Variants in CSNK1G1 observed in about 807,000 individuals in gnomAD.
CSNK1G1 encodes the protein casein kinase 1 gamma 1, also known as casein kinase I isoform gamma-1.
Under a neutral mutation model 59.6 loss-of-function variants are expected in CSNK1G1, and 22 were observed. That is an observed-to-expected ratio of 0.37 (90% CI 0.26 to 0.53). The LOEUF (loss-of-function observed/expected upper bound fraction) is 0.53, where lower values mean the gene tolerates loss of function less well. Among genes scored for constraint, CSNK1G1 ranks in the 20% least tolerant of loss-of-function variants. The pLI is 0.89. For missense variants in CSNK1G1, 384 were observed against 519.5 expected (o/e 0.74, Z 2.54); for synonymous variants, 179 against 177.1 (o/e 1.01, Z -0.08).
chr15:64,319,069 C>T (rs1596270996), intron 1 of CSNK1G1, among the ~76,000 whole-genome samples: 1 of 151,506 alleles, frequency 6.6e-6, no homozygotes. Context: ...CCAGGCTGGT[C>T]TCCAACTCCT....
At chr15:64,172,817 C>A (rs942896138) in intron 11 of CSNK1G1, among the ~76,000 whole-genome samples, 10 of 152,216 alleles carry the variant, frequency 6.6e-5, no homozygotes, top group Non-Finnish European at 1.5e-4. Context: ...GTTCTGCTTC[C>A]TGGGGACTAG....
At chr15:64,292,279 C>A (rs1159085440) in intron 2 of CSNK1G1, among the ~76,000 whole-genome samples, 2 of 150,858 alleles carry the variant, frequency 1.3e-5, no homozygotes, top group Non-Finnish European at 3.0e-5. Context: ...AAGGAAAGAA[C>A]AATATGCAGA....
intron 3 of CSNK1G1, 84 bp downstream of exon 3, chr15:64,259,117 T>G: frequency 8.2e-7 from 1 of 1,214,330 alleles, no homozygotes; most frequent in South Asian, 1.5e-5. Flanking sequence ...GTTTTGCGAA[T>G]GAATGCTTAA....
chr15:64,175,877 C>T (rs138203391), intron 11 of CSNK1G1, among the ~76,000 whole-genome samples: 171 of 152,326 alleles, frequency 1.1e-3, no homozygotes, highest in Middle Eastern at 6.8e-3. Context: ...AACTCACTAT[C>T]CTTGCGGCTG....
chr15:64,226,239 G>A (rs1193471872), intron 4 of CSNK1G1, among the ~76,000 whole-genome samples: 1 of 152,170 alleles, frequency 6.6e-6, no homozygotes, highest in Admixed American at 6.5e-5. Flanking sequence ...GGTAGGGGCA[G>A]AGGAGTAAAG....
intron 10 of CSNK1G1, among the ~76,000 whole-genome samples, chr15:64,193,577 CA>C (rs1300474874): frequency 6.6e-6 from 1 of 151,866 alleles, no homozygotes; most frequent in Admixed American, 6.6e-5. Context: ...CCATGCCAGA[CA>C]GGGGTTATGC....
intron 1 of CSNK1G1, among the ~76,000 whole-genome samples, chr15:64,327,085 C>T (rs1332407045): frequency 1.3e-5 from 2 of 151,548 alleles, no homozygotes; most frequent in South Asian, 2.1e-4. Flanking sequence ...AAGGAGGCAG[C>T]GAGGCTGGGG....
rs1327593310 is a variant in CSNK1G1, at chr15:64,255,600, C to T, written c.222+3601G>A. Among the ~76,000 whole-genome samples, 3 of 152,168 alleles carry T rather than the reference C, an allele frequency of 2.0e-5. No homozygotes were observed. In the East Asian group the frequency reaches 5.8e-4, roughly 29 times the overall value. ...AAGTAGCTCTCTTCAAATAACAAAA[C>T]TTACTTTTCTCAGGCTTTCCTAGAC... On this transcript the variant is annotated intron_variant, in intron 3 of 11. Transcript: ENST00000303052.
intron 4 of CSNK1G1, among the ~76,000 whole-genome samples, chr15:64,238,518 A>AAAAAATAT (rs1555396879): frequency 1.8e-4 from 9 of 49,246 alleles, no homozygotes; most frequent in African/African-American, 7.0e-4. Context: ...AAAAAAAAAA[A>AAAAAATAT]ATATATATAT....
At chr15:64,189,164 A>G (rs2081937841) in intron 10 of CSNK1G1, among the ~76,000 whole-genome samples, 1 of 152,098 alleles carries the variant, frequency 6.6e-6, no homozygotes, top group Non-Finnish European at 1.5e-5. Flanking sequence ...AAATAGCTAC[A>G]TCGTTTGCCT....
At chr15:64,179,108 C>T (rs976609555) in intron 11 of CSNK1G1, among the ~76,000 whole-genome samples, 2 of 140,488 alleles carry the variant, frequency 1.4e-5, no homozygotes, top group African/African-American at 5.3e-5. Context: ...GGGCTGGGCA[C>T]AGTGGTTCAT....
chr15:64,243,691 T>C (rs924479638), intron 4 of CSNK1G1, among the ~76,000 whole-genome samples: 3 of 152,104 alleles, frequency 2.0e-5, no homozygotes, highest in African/African-American at 7.2e-5. Context: ...AATTTAAAAA[T>C]GTAGTCAAGT....
chr15:64,192,390 G>C (rs1453120604), intron 10 of CSNK1G1, among the ~76,000 whole-genome samples: 1 of 152,172 alleles, frequency 6.6e-6, no homozygotes, highest in African/African-American at 2.4e-5. Flanking sequence ...GGAAATGATT[G>C]GTTTACTATG....
At chr15:64,275,074 G>A (rs1246023132) in intron 2 of CSNK1G1, among the ~76,000 whole-genome samples, 1 of 152,162 alleles carries the variant, frequency 6.6e-6, no homozygotes, top group African/African-American at 2.4e-5. Context: ...ACACAGTCTT[G>A]CTATGTTGCC....
At chr15:64,284,405 G>A (rs1596218718) in intron 2 of CSNK1G1, among the ~76,000 whole-genome samples, 1 of 152,198 alleles carries the variant, frequency 6.6e-6, no homozygotes, top group Non-Finnish European at 1.5e-5. Context: ...TTCAACTTGG[G>A]GAGTGCTGCC....
chr15:64,230,768 T>G (rs991255144), intron 4 of CSNK1G1, among the ~76,000 whole-genome samples: 1 of 151,910 alleles, frequency 6.6e-6, no homozygotes, highest in Admixed American at 6.6e-5. Flanking sequence ...GTCAGAAGAT[T>G]GAGACCATCC....
At chr15:64,259,491 C>G (rs113051751) in intron 2 of CSNK1G1, among the ~76,000 whole-genome samples, 112 of 120,276 alleles carry the variant, frequency 9.3e-4, no homozygotes, top group South Asian at 1.3e-3. Context: ...CTTACACACA[C>G]ACACACACAC....
chr15:64,189,583 A>G (rs1490410858), intron 10 of CSNK1G1: 4 of 581,976 alleles, frequency 6.9e-6, no homozygotes. Context: ...TTAGGATGTG[A>G]TATTGCTGCT....
chr15:64,216,605 C>T lies in CSNK1G1; in HGVS notation c.401G>A (p.Arg134Gln), dbSNP rs765536461. The T allele has an allele frequency of 3.6e-5, 58 of 1,613,686 alleles. No individual in the cohort carries two copies. The highest frequency in any genetic ancestry group is 4.7e-5 in the Non-Finnish European group (55 of 1,179,848). Residue 134 changes from arginine (R) to glutamine (Q), a missense_variant, in exon 5 of 12, where the codon CGA (arginine) becomes CAA (glutamine). This residue lies in a region of CSNK1G1 where 325 missense variants were observed against 440.9 expected (regional missense o/e 0.74). Transcript: ENST00000303052. This position sits in a 1 kb window ranked among gnomAD's most constrained non-coding sequence, Gnocchi z 4.6. Reference sequence around the variant, plus strand: ...TAACACCGTCTTCAAAGTAAATGTTCGGTCACAGAGGTCAAACAAGTCCTC... The same window carrying T: ...TAACACCGTCTTCAAAGTAAATGTTTGGTCACAGAGGTCAAACAAGTCCTC... ...SLEDLFDLCD[R>Q]TFTLKTVLMI...
Sources: allele counts gnomAD v4.1 joint callset (sites outside exome capture counted in the v4.1 genomes callset), GRCh38; gene constraint gnomAD v4.1.1; regional missense constraint gnomAD v4.1.1; non-coding constraint Gnocchi (gnomAD v3.1); transcripts MANE v1.5; gene names NCBI Gene and HGNC (gene_info 2026-07-23, HGNC 2026-07-21).